The following LSS variants were observed in gnomAD, a reference collection of about 807,000 sequenced individuals.
The protein encoded by LSS is lanosterol synthase.
LSS carries 90 observed loss-of-function variants against 110.3 expected under a neutral mutation model. The ratio of observed to expected loss-of-function variants is 0.82; its 90% CI spans 0.69 to 0.97. The LOEUF (loss-of-function observed/expected upper bound fraction) is 0.97. LSS is among the 50% of genes least tolerant of loss of function. The probability of loss-of-function intolerance (pLI) is 0.00; values close to 1 mark genes in which losing one functional copy is unlikely to be tolerated. For missense variants in LSS, 927 were observed against 990.0 expected (o/e 0.94, Z 0.85); for synonymous variants, 433 against 400.0 (o/e 1.08, Z -0.98).
Position 46,194,634 on chromosome 21 carries a change from G to A in LSS, c.1845C>T (p.Ala615=). 1 of 1,613,388 alleles carries A rather than the reference G, an allele frequency of 6.2e-7. No individual in the cohort carries two copies. Among genetic ancestry groups the A allele is most frequent in the Non-Finnish European group, 8.5e-7 (1 of 1,180,000 alleles). Residue 615 remains alanine, a synonymous_variant, in exon 20 of 22, where the codon GCC becomes GCT. Coordinates refer to ENST00000397728, the MANE Select transcript of LSS (RefSeq NM_002340.6). ...DGTACAEVSR[A]CDFLLSRQMA... is the part of the protein sequence containing the mutation. Reference sequence around the variant, plus strand: ...TCTGCCGGGACAGCAGGAAGTCACAGGCCCGGGAGACCTCTGCACAGGCAG... The same window carrying A: ...TCTGCCGGGACAGCAGGAAGTCACAAGCCCGGGAGACCTCTGCACAGGCAG...
intron 20 of LSS, chr21:46,192,194 G>A (rs2079826153): frequency 1.7e-6 from 1 of 590,510 alleles, no homozygotes; most frequent in Non-Finnish European, 3.0e-6. Context: ...GGGGACACAG[G>A]CCTCCTCAGG....
chr21:46,209,453 A>G lies in LSS; in HGVS notation c.1266+101T>C. ...GGTGACCTGAAACACCAGTGCAGGAAATAGGGCAGGGTGGAGGTGAGGTGG... is the reference window on the plus strand; with the variant it reads ...GGTGACCTGAAACACCAGTGCAGGAGATAGGGCAGGGTGGAGGTGAGGTGG... On this transcript the variant is annotated intron_variant, in intron 13 of 21. Transcript: ENST00000397728. The surrounding 1 kb of genome is among the most constrained non-coding windows in gnomAD (Gnocchi z 4.4). 2 of 1,086,062 alleles carry G rather than the reference A, an allele frequency of 1.8e-6. No homozygotes were observed. Among genetic ancestry groups the G allele is most frequent in the South Asian group, 3.1e-5 (2 of 64,660 alleles). 67.3% of individuals were successfully genotyped at this position (1,086,062 alleles called of 1,614,324 possible).
intron 12 of LSS, 49 bp downstream of exon 12, chr21:46,210,639 G>A (rs1482689127): frequency 6.9e-6 from 11 of 1,591,690 alleles, no homozygotes; most frequent in South Asian, 3.3e-5. Flanking sequence ...GTGGGCTCAC[G>A]TGCACAGGAA....
In LSS at chr21:46,189,749, G is replaced by A. The variant is rs764454258; in HGVS notation, c.*1355C>T. 10 of 457,198 alleles carry A rather than the reference G, an allele frequency of 2.2e-5. 1 individual carries two copies. The highest frequency in any genetic ancestry group is 9.3e-5 in the South Asian group (6 of 64,556). The allele number at this position is 457,198 out of a possible 1,614,324, so 28.3% of individuals were successfully genotyped here. ...CTACCTGCCCAGAAGGCGGCAGGGAGGGGAAGAGCAGATAAGGAGGTATAG... is the reference window on the plus strand; with the variant it reads ...CTACCTGCCCAGAAGGCGGCAGGGAAGGGAAGAGCAGATAAGGAGGTATAG... On this transcript the variant is annotated 3_prime_UTR_variant, in exon 22 of 22. Transcript: ENST00000397728.
In LSS at chr21:46,191,041, C is replaced by T; in HGVS notation, c.*63G>A. 4 of 1,598,084 alleles carry T rather than the reference C, an allele frequency of 2.5e-6. No homozygotes were observed. The highest frequency in any genetic ancestry group is 2.6e-6 in the Non-Finnish European group (3 of 1,169,772). On this transcript the variant is annotated 3_prime_UTR_variant, in exon 22 of 22. Transcript: ENST00000397728. ...ACAGGGTTATGGGAGGGCTCCCCAA[C>T]CCGGCCAGGACCCCTTGGCCTCACT...
intron 14 of LSS, 152 bp from the exon 15 acceptor site, chr21:46,207,729 A>T (rs2080071999): frequency 1.2e-6 from 1 of 856,148 alleles, no homozygotes; most frequent in East Asian, 2.7e-5. Context: ...CAGGGCCCCA[A>T]GCTGGGTACA....
chr21:46,203,174 C>A (rs1280075802), intron 17 of LSS, among the ~76,000 whole-genome samples: 1 of 152,198 alleles, frequency 6.6e-6, no homozygotes, highest in Non-Finnish European at 1.5e-5. Flanking sequence ...AGGTGGACCC[C>A]AAGCCATGTG....
intron 3 of LSS, among the ~76,000 whole-genome samples, chr21:46,225,819 T>A (rs2123766035): frequency 6.6e-6 from 1 of 152,196 alleles, no homozygotes; most frequent in East Asian, 1.9e-4. Context: ...TGGCTCACAC[T>A]CCTTACCCTG....
chr21:46,219,498 T>A lies in LSS; in HGVS notation c.625A>T (p.Asn209Tyr), dbSNP rs754230211. 3.7e-6 allele frequency: 6 copies of A among 1,600,964 alleles called. No individual in the cohort carries two copies. Among genetic ancestry groups the A allele is most frequent in the Non-Finnish European group, 5.1e-6 (6 of 1,173,880 alleles). ...VLNVYSWEGL[N>Y]TLFPEMWLFP... is the part of the protein sequence containing the mutation. ...TACCACATCTCTGGGAACAGGGTATTGAGGCCTTCCCAGCTGTAAACATTC... is the reference window on the plus strand; with the variant it reads ...TACCACATCTCTGGGAACAGGGTATAGAGGCCTTCCCAGCTGTAAACATTC... Residue 209 changes from asparagine (N) to tyrosine (Y), a missense_variant, in exon 6 of 22, where the codon AAT becomes TAT. Coordinates refer to ENST00000397728, the MANE Select transcript of LSS (RefSeq NM_002340.6).
chr21:46,189,649 G>A lies in LSS; in HGVS notation c.*1455C>T. On this transcript the variant is annotated 3_prime_UTR_variant, in exon 22 of 22. Coordinates refer to ENST00000397728, the MANE Select transcript of LSS (RefSeq NM_002340.6). Reference sequence around the variant, plus strand: ...AAGGACTCTGGGCAGGCAATGACAGGATCTGAGGGTGTCCAGACGCAGATC... The same window carrying A: ...AAGGACTCTGGGCAGGCAATGACAGAATCTGAGGGTGTCCAGACGCAGATC... 1 of 456,026 alleles carries A rather than the reference G, an allele frequency of 2.2e-6. No homozygotes were observed. 28.2% of individuals were successfully genotyped at this position (456,026 alleles called of 1,614,324 possible).
chr21:46,195,086 C>A (rs201171810), intron 19 of LSS, among the ~76,000 whole-genome samples: 1 of 152,120 alleles, frequency 6.6e-6, no homozygotes, highest in African/African-American at 2.4e-5. Flanking sequence ...CGGCTGGGAC[C>A]GGAGATCTCC....
intron 17 of LSS, among the ~76,000 whole-genome samples, chr21:46,205,512 T>C (rs1446013911): frequency 2.6e-5 from 4 of 152,248 alleles, no homozygotes; most frequent in Non-Finnish European, 5.9e-5. Context: ...CTTTTCTGAA[T>C]ACTTGCTACC....
chr21:46,211,863 CCAA>C (rs569374248), intron 11 of LSS, among the ~76,000 whole-genome samples: 228 of 152,314 alleles, frequency 1.5e-3, no homozygotes, highest in Middle Eastern at 6.8e-3. Context: ...AGCTCAAAGA[CCAA>C]CAACTGAAGG....
chr21:46,195,006 C>A (rs1457267337), intron 19 of LSS, among the ~76,000 whole-genome samples: 1 of 152,236 alleles, frequency 6.6e-6, no homozygotes, highest in East Asian at 1.9e-4. Flanking sequence ...TAAACATCCA[C>A]ACGGCAGACT....
Position 46,216,441 on chromosome 21 carries a change from T to C in LSS, c.731A>G (p.Tyr244Cys), listed in dbSNP as rs1170080720. Residue 244 changes from tyrosine to cysteine, a missense_variant, in exon 7 of 22, where the codon TAC (tyrosine) becomes TGC (cysteine). Transcript: ENST00000397728. This position sits in a 1 kb window ranked among gnomAD's most constrained non-coding sequence, Gnocchi z 4.2. ...TTCCGCGGCACTCAGCCGAACGGCG[T>C]AGCAGTAGCTCATGGGCAGGTACAC... ...RQVYLPMSYC[Y>C]AVRLSAAEDP... The C allele has an allele frequency of 5.0e-6, 8 of 1,613,654 alleles. No individual in the cohort carries two copies. The highest frequency in any genetic ancestry group is 5.9e-6 in the Non-Finnish European group (7 of 1,180,006).
chr21:46,213,701 G>C, intron 10 of LSS, 37 bp downstream of exon 10: 1 of 1,574,698 alleles, frequency 6.4e-7, no homozygotes, highest in South Asian at 1.1e-5. Flanking sequence ...TCCAGTCTTC[G>C]TGAGAGGCCC....
At chr21:46,225,861 G>A (rs1029253466) in intron 3 of LSS, among the ~76,000 whole-genome samples, 4 of 152,146 alleles carry the variant, frequency 2.6e-5, no homozygotes, top group Admixed American at 6.5e-5. Flanking sequence ...AAATATCAGC[G>A]CAGCCTGGCA....
chr21:46,202,880 CAAAT>C (rs2079997441), intron 17 of LSS, among the ~76,000 whole-genome samples: 1 of 152,084 alleles, frequency 6.6e-6, no homozygotes, highest in Non-Finnish European at 1.5e-5. Context: ...CTGCTTCAAA[CAAAT>C]AAACAAAAAA....
rs778535877 is a variant in LSS, at chr21:46,227,663, C to T, written c.208G>A (p.Ala70Thr). 1.2e-6 allele frequency: 2 copies of T among 1,613,096 alleles called. No individual in the cohort carries two copies. The highest frequency in any genetic ancestry group is 2.2e-5 in the South Asian group (2 of 91,056). The change falls in exon 3 of 22, where the codon GCC becomes ACC. Residue 70 changes from alanine to threonine, a missense_variant. Physicochemically the swap from Ala to Thr is moderately conservative, Grantham distance 58. Coordinates refer to ENST00000397728, the MANE Select transcript of LSS (RefSeq NM_002340.6). ...TKNYFKDLPK[A>T]HTAFEGALNG... is the part of the protein sequence containing the mutation. The stretch of plus-strand genomic sequence containing the variant: ...AGAGCCCCCTCAAAGGCGGTGTGGG[C>T]TTTGGGCAAGTCCTTAAAGTAATTC...
Sources: allele counts gnomAD v4.1 joint callset (sites outside exome capture counted in the v4.1 genomes callset), GRCh38; gene constraint gnomAD v4.1.1; non-coding constraint Gnocchi (gnomAD v3.1); transcripts MANE v1.5; gene names NCBI Gene and HGNC (gene_info 2026-07-23, HGNC 2026-07-21).